TECPR2: variants seen among roughly 807,000 people sequenced by gnomAD.
The protein encoded by TECPR2 is tectonin beta-propeller repeat-containing protein 2.
TECPR2 carries 65 observed loss-of-function variants against 138.1 expected under a neutral mutation model. That is an observed-to-expected ratio of 0.47 (90% CI 0.39 to 0.58). The LOEUF is 0.58. Among genes scored for constraint, TECPR2 ranks in the 20% least tolerant of loss-of-function variants. The pLI is 0.00. For synonymous variants in TECPR2, 746 were observed against 749.8 expected, an observed-to-expected ratio of 0.99 and a Z score of 0.08; for missense variants, 1,553 against 1,824.5, an observed-to-expected ratio of 0.85 and a Z score of 2.71.
In TECPR2 at chr14:102,498,930, C is replaced by T. The variant is rs892016764; in HGVS notation, c.*673C>T. 1 of 692,022 alleles carries T rather than the reference C, an allele frequency of 1.4e-6. No homozygotes were observed. 42.9% of individuals were successfully genotyped at this position (692,022 alleles called of 1,614,324 possible). A position where few individuals can be genotyped will look rare whatever the true frequency, so the allele number is the denominator to read the frequency against. ...CACACCACACCGCACTGCACCATACCTCACCACATCTCACCACACCACAGC... is the reference window on the plus strand; with the variant it reads ...CACACCACACCGCACTGCACCATACTTCACCACATCTCACCACACCACAGC... On this transcript the variant is annotated 3_prime_UTR_variant, in exon 20 of 20. Coordinates refer to ENST00000359520, the MANE Select transcript of TECPR2 (RefSeq NM_014844.5).
chr14:102,427,097 G>A (rs1396665842), intron 6 of TECPR2, among the ~76,000 whole-genome samples: 1 of 152,088 alleles, frequency 6.6e-6, no homozygotes, highest in Non-Finnish European at 1.5e-5. Flanking sequence ...GTAAAATGGG[G>A]TGGGGGTGGA....
Position 102,499,640 on chromosome 14 carries a change from G to C in TECPR2, c.*1383G>C. 1 of 201,310 alleles carries C rather than the reference G, an allele frequency of 5.0e-6. No individual in the cohort carries two copies. The highest frequency in any genetic ancestry group is 5.3e-5 in the Admixed American group (1 of 18,802). 12.5% of individuals were successfully genotyped at this position (201,310 alleles called of 1,614,324 possible). ...GTGGCCCCTTCAGACAATGGGCAGTGCCCACCCCGCCCACTGGCATCTGCG... is the reference window on the plus strand; with the variant it reads ...GTGGCCCCTTCAGACAATGGGCAGTCCCCACCCCGCCCACTGGCATCTGCG... On this transcript the variant is annotated 3_prime_UTR_variant, in exon 20 of 20. Transcript: ENST00000359520.
At chr14:102,485,443 T>G (rs1344423672) in intron 17 of TECPR2, among the ~76,000 whole-genome samples, 1 of 152,210 alleles carries the variant, frequency 6.6e-6, no homozygotes, top group East Asian at 1.9e-4. Context: ...TTGAGCTCTC[T>G]TCTTCAAAAC....
At position 102,424,975 on chromosome 14, in the gene TECPR2, T is replaced by G. The variant is rs772089659; in HGVS notation, c.639-4T>G. The G allele has an allele frequency of 1.2e-6, 2 of 1,600,596 alleles. No individual in the cohort carries two copies. Among genetic ancestry groups the G allele is most frequent in the Admixed American group, 1.7e-5 (1 of 58,100 alleles). ...TGTTCTTTCTTTCTTTCTTCTAATT[T>G]TAGTACTGGGAAATTTGGTGCTTGT... On this transcript the variant is annotated splice_region_variant and splice_polypyrimidine_tract_variant and intron_variant, in intron 5 of 19. Coordinates refer to ENST00000359520, the MANE Select transcript of TECPR2 (RefSeq NM_014844.5).
chr14:102,469,200 G>C (rs1470716703), intron 17 of TECPR2, among the ~76,000 whole-genome samples: 1 of 152,184 alleles, frequency 6.6e-6, no homozygotes, highest in Non-Finnish European at 1.5e-5. Flanking sequence ...AAATCTTCCA[G>C]TCTGTGAACA....
At chr14:102,447,319 G>A (rs574690177) in intron 13 of TECPR2, among the ~76,000 whole-genome samples, 2 of 152,094 alleles carry the variant, frequency 1.3e-5, no homozygotes, top group African/African-American at 4.8e-5. Context: ...CTGTTACCCA[G>A]GCTGGTCTCG....
chr14:102,461,942 C>G (rs1000007280), intron 16 of TECPR2, among the ~76,000 whole-genome samples: 2 of 152,212 alleles, frequency 1.3e-5, no homozygotes, highest in African/African-American at 4.8e-5. Flanking sequence ...CTGGGTGACA[C>G]TCTGGGGTAA....
At chr14:102,393,850 G>A (rs554210656) in intron 2 of TECPR2, among the ~76,000 whole-genome samples, 8 of 152,214 alleles carry the variant, frequency 5.3e-5, no homozygotes, top group East Asian at 3.9e-4. Flanking sequence ...ATGAGCCACC[G>A]CGCCTGGTCA....
chr14:102,479,016 C>CAA (rs34162369), intron 17 of TECPR2, among the ~76,000 whole-genome samples: 14 of 102,056 alleles, frequency 1.4e-4, no homozygotes, highest in Non-Finnish European at 2.4e-4. Context: ...GGCCCTGTCT[C>CAA]AAAAAAAAAA....
In TECPR2 at chr14:102,443,731, T is replaced by C. The variant is rs1889895936; in HGVS notation, c.2837T>C (p.Val946Ala). The change falls in exon 12 of 20, where the codon GTG (valine) becomes GCG (alanine). Residue 946 changes from valine to alanine, a missense_variant. By Grantham distance (64) the Val-to-Ala change is moderately conservative. Coordinates refer to ENST00000359520, the MANE Select transcript of TECPR2 (RefSeq NM_014844.5). The surrounding 1 kb of genome is among the most constrained non-coding windows in gnomAD (Gnocchi z 4.9). ...PLSQITARNN[V>A]VWALTEQRAL... is the part of the protein sequence containing the mutation. Reference sequence around the variant, plus strand: ...TCCCAGATCACAGCCCGGAACAATGTGGTGTGGGCGCTGACAGAGCAGAGG... The same window carrying C: ...TCCCAGATCACAGCCCGGAACAATGCGGTGTGGGCGCTGACAGAGCAGAGG... 1.9e-6 allele frequency: 3 copies of C among 1,612,950 alleles called. No individual in the cohort carries two copies. Among genetic ancestry groups the C allele is most frequent in the Non-Finnish European group, 2.5e-6 (3 of 1,179,238 alleles).
intron 16 of TECPR2, 97 bp from the exon 17 acceptor site, chr14:102,465,040 ATTTC>A: frequency 2.1e-6 from 3 of 1,444,786 alleles, no homozygotes; most frequent in South Asian, 1.2e-5. Flanking sequence ...ATGCAGCCTC[ATTTC>A]TTTCTTTGAA....
chr14:102,464,135 G>A (rs1402545717), intron 16 of TECPR2, among the ~76,000 whole-genome samples: 2 of 152,114 alleles, frequency 1.3e-5, no homozygotes, highest in Admixed American at 6.5e-5. Context: ...GCTGAGTCCC[G>A]ACGGTCTCAT....
In TECPR2 at chr14:102,443,918, C is replaced by A; in HGVS notation, c.2933+91C>A. 7.6e-7 allele frequency: 1 copy of A among 1,313,016 alleles called. No individual in the cohort carries two copies. Among genetic ancestry groups the A allele is most frequent in the Non-Finnish European group, 1.0e-6 (1 of 987,890 alleles). 81.3% of individuals were successfully genotyped at this position (1,313,016 alleles called of 1,614,324 possible). A position where few individuals can be genotyped will look rare whatever the true frequency, so the allele number is the denominator to read the frequency against. ...CACCACAAGGCACCATGAGGCCGTT[C>A]CTGGGAGGCAGCACCTGCAGCCTCC... On this transcript the variant is annotated intron_variant, in intron 12 of 19. Transcript: ENST00000359520. This position sits in a 1 kb window ranked among gnomAD's most constrained non-coding sequence, Gnocchi z 4.9.
At chr14:102,392,603 A>G (rs1007308136) in intron 2 of TECPR2, among the ~76,000 whole-genome samples, 3 of 152,040 alleles carry the variant, frequency 2.0e-5, no homozygotes, top group Non-Finnish European at 2.9e-5. Context: ...GTGTTCTTCA[A>G]TCTAAGTGAA....
chr14:102,489,512 C>G (rs547243722), intron 17 of TECPR2, among the ~76,000 whole-genome samples: 51 of 151,998 alleles, frequency 3.4e-4, no homozygotes, highest in Non-Finnish European at 6.6e-4. Context: ...CAAGACCAGC[C>G]TGGCCAAGAT....
intron 17 of TECPR2, among the ~76,000 whole-genome samples, chr14:102,481,869 C>A (rs1291933529): frequency 6.6e-6 from 1 of 152,102 alleles, no homozygotes; most frequent in African/African-American, 2.4e-5. Context: ...CCCCAGCCAC[C>A]CACCTCCCTT....
At chr14:102,394,647 C>G (rs548100828) in intron 2 of TECPR2, among the ~76,000 whole-genome samples, 13 of 152,102 alleles carry the variant, frequency 8.5e-5, no homozygotes, top group Admixed American at 2.0e-4. Context: ...GGAGCTCAGT[C>G]CCATATTTGT....
chr14:102,365,404 G>A (rs963835010), intron 1 of TECPR2, among the ~76,000 whole-genome samples: 29 of 152,206 alleles, frequency 1.9e-4, no homozygotes, highest in African/African-American at 6.3e-4. Context: ...ACATGTGGGG[G>A]AATAGGGAAG....
rs201459631 is a variant in TECPR2, at chr14:102,419,173, G to A, written c.638+4380G>A. Reference sequence around the variant, plus strand: ...CAGGAGTTGGGGGGTCAGAGGAGTCGGAGGCCATATGGAGGGACATAGCAG... The same window carrying A: ...CAGGAGTTGGGGGGTCAGAGGAGTCAGAGGCCATATGGAGGGACATAGCAG... On this transcript the variant is annotated intron_variant, in intron 5 of 19. Coordinates refer to ENST00000359520, the MANE Select transcript of TECPR2 (RefSeq NM_014844.5). The surrounding 1 kb of genome is among the most constrained non-coding windows in gnomAD (Gnocchi z 4.8). Among the ~76,000 whole-genome samples, 9 of 152,196 alleles carry A rather than the reference G, an allele frequency of 5.9e-5. No individual in the cohort carries two copies. The highest frequency in any genetic ancestry group is 5.8e-4 in the East Asian group (3 of 5,162).
Sources: gnomAD v4.1 joint callset for allele counts (sites outside exome capture counted in the v4.1 genomes callset) on GRCh38, gnomAD v4.1.1 for gene constraint, Gnocchi (gnomAD v3.1) non-coding constraint, MANE v1.5 for transcripts, NCBI Gene and HGNC (gene_info 2026-07-23, HGNC 2026-07-21) for gene names.